Variants in TMEFF1 observed in about 807,000 individuals in gnomAD.
TMEFF1 encodes the protein transmembrane protein with EGF like and two follistatin like domains 1.
In TMEFF1, 20 loss-of-function variants were observed where a neutral mutation model predicts 47.5. The ratio of observed to expected loss-of-function variants is 0.42; its 90% CI spans 0.30 to 0.61. The LOEUF is 0.61. TMEFF1 is among the 20% of genes least tolerant of loss of function. The pLI is 0.19. For missense variants in TMEFF1, 411 were observed against 471.1 expected (o/e 0.87, Z 1.18); for synonymous variants, 162 against 166.3 (o/e 0.97, Z 0.20).
At chr9:100,496,019 G>T (rs1837643937) in intron 1 of TMEFF1, among the ~76,000 whole-genome samples, 1 of 152,148 alleles carries the variant, frequency 6.6e-6, no homozygotes, top group African/African-American at 2.4e-5. Context: ...TGATATTCAG[G>T]GACTGTTGAT....
At position 100,509,073 on chromosome 9, in the gene TMEFF1, A is replaced by T; in HGVS notation, c.375A>T (p.Arg125Ser). ...CTTATCAAAATGAATGCTTTCTCAG[A>T]AGGGCTGCTTGTAAGCACCAGAAAG... ...GDTYQNECFL[R>S]RAACKHQKEI... Residue 125 changes from arginine to serine, a missense_variant, in exon 3 of 10, where the codon AGA (arginine) becomes AGT (serine). Arg to Ser is a moderately radical substitution (Grantham distance 110, BLOSUM62 -1). Transcript: ENST00000374879. The T allele has an allele frequency of 6.2e-7, 1 of 1,601,796 alleles. No homozygotes were observed. Among genetic ancestry groups the T allele is most frequent in the Non-Finnish European group, 8.5e-7 (1 of 1,174,974 alleles).
chr9:100,552,122 T>C (rs1431032813), intron 7 of TMEFF1, among the ~76,000 whole-genome samples: 1 of 152,168 alleles, frequency 6.6e-6, no homozygotes, highest in Non-Finnish European at 1.5e-5. Flanking sequence ...GAAAGACAGC[T>C]TGGGGCCAGA....
At chr9:100,509,544 C>T (rs1056404452) in intron 3 of TMEFF1, among the ~76,000 whole-genome samples, 8 of 151,934 alleles carry the variant, frequency 5.3e-5, no homozygotes, top group African/African-American at 7.3e-5. Context: ...GAGGCTGAGG[C>T]GGGCAGATTA....
intron 1 of TMEFF1, among the ~76,000 whole-genome samples, chr9:100,476,365 A>G (rs1042189792): frequency 6.6e-6 from 1 of 151,794 alleles, no homozygotes; most frequent in Non-Finnish European, 1.5e-5. Flanking sequence ...TTTATTATCT[A>G]GGTATCCCCC....
intron 1 of TMEFF1, among the ~76,000 whole-genome samples, chr9:100,495,791 A>G (rs552096852): frequency 8.5e-4 from 129 of 152,314 alleles, no homozygotes; most frequent in African/African-American, 3.0e-3. Flanking sequence ...ACCCTCATAA[A>G]TGCCTCCCTC....
At chr9:100,535,166 A>G (rs1028144809) in intron 5 of TMEFF1, among the ~76,000 whole-genome samples, 14 of 152,306 alleles carry the variant, frequency 9.2e-5, no homozygotes, top group African/African-American at 3.4e-4. Flanking sequence ...AAATGACAGC[A>G]AATAGTGCCT....
chr9:100,575,555 C>A (rs1839336829), intron 9 of TMEFF1, among the ~76,000 whole-genome samples: 1 of 152,120 alleles, frequency 6.6e-6, no homozygotes, highest in South Asian at 2.1e-4. Context: ...GAGGTAAAAC[C>A]ATATACAAAA....
chr9:100,474,287 TGTC>T (rs1837179767), intron 1 of TMEFF1, among the ~76,000 whole-genome samples: 1 of 150,874 alleles, frequency 6.6e-6, no homozygotes, highest in South Asian at 2.1e-4. Flanking sequence ...GGGAACGGGT[TGTC>T]TTGAGGACGC....
intron 2 of TMEFF1, among the ~76,000 whole-genome samples, chr9:100,503,130 A>G (rs1042741381): frequency 2.0e-5 from 3 of 152,174 alleles, no homozygotes; most frequent in African/African-American, 7.2e-5. Context: ...GTATCTTTCA[A>G]TTCATTTTAA....
intron 2 of TMEFF1, among the ~76,000 whole-genome samples, chr9:100,502,751 T>G (rs1837788700): frequency 1.3e-5 from 2 of 152,208 alleles, no homozygotes; most frequent in Admixed American, 6.5e-5. Context: ...AAAATATACT[T>G]GAACAGCTAG....
At chr9:100,519,040 T>C (rs1838117378) in intron 5 of TMEFF1, among the ~76,000 whole-genome samples, 1 of 152,338 alleles carries the variant, frequency 6.6e-6, no homozygotes, top group African/African-American at 2.4e-5. Flanking sequence ...GAACAAAAGC[T>C]CAGTTTAATT....
Position 100,513,201 on chromosome 9 carries a change from T to C in TMEFF1, c.437-106T>C. 4 of 1,462,256 alleles carry C rather than the reference T, an allele frequency of 2.7e-6. No individual in the cohort carries two copies. In the South Asian group the frequency reaches 5.1e-5, roughly 19 times the overall value. 90.6% of individuals were successfully genotyped at this position (1,462,256 alleles called of 1,614,324 possible). ...ATCAAAAATATGAGAAAAGGACTCT[T>C]TGAGAATGGATATCACAGTTTTATT... is the stretch of plus-strand genomic sequence containing the variant. On this transcript the variant is annotated intron_variant, in intron 3 of 9. Transcript: ENST00000374879.
intron 1 of TMEFF1, among the ~76,000 whole-genome samples, chr9:100,476,554 C>CG (rs1437273592): frequency 1.4e-4 from 22 of 152,080 alleles, no homozygotes; most frequent in African/African-American, 4.8e-4. Flanking sequence ...ACCACCATGC[C>CG]GGGCTAATTT....
intron 1 of TMEFF1, among the ~76,000 whole-genome samples, chr9:100,491,882 C>CT (rs145822143): frequency 0.063 from 8,641 of 137,404 alleles, 501 homozygotes; most frequent in East Asian, 0.23. Context: ...AGTTTCTTTC[C>CT]TTTTTTTTTT....
At chr9:100,523,635 A>C (rs946729428) in intron 5 of TMEFF1, among the ~76,000 whole-genome samples, 6 of 152,218 alleles carry the variant, frequency 3.9e-5, no homozygotes, top group Non-Finnish European at 8.8e-5. Flanking sequence ...AATCTCAGTA[A>C]CTTGACATGA....
At position 100,559,603 on chromosome 9, in the gene TMEFF1, A is replaced by G. The variant is rs1004197112; in HGVS notation, c.776-1794A>G. On this transcript the variant is annotated intron_variant, in intron 7 of 9. Transcript: ENST00000374879. ...TATTGGCTATATTGGATTAAAATAT[A>G]TGATTAAAATTAATTTACTTGTTTC... Among the ~76,000 whole-genome samples the G allele has an allele frequency of 2.6e-5, 4 of 152,232 alleles. No individual in the cohort carries two copies. The South Asian group carries it at 6.2e-4, about 24-fold the overall frequency.
chr9:100,542,645 C>T (rs1838655318), intron 5 of TMEFF1, among the ~76,000 whole-genome samples: 1 of 152,172 alleles, frequency 6.6e-6, no homozygotes, highest in African/African-American at 2.4e-5. Flanking sequence ...GTTATTCTTA[C>T]TTCGCTGAAG....
intron 8 of TMEFF1, 68 bp from the exon 9 acceptor site, chr9:100,572,450 T>A: frequency 7.0e-7 from 1 of 1,426,382 alleles, no homozygotes. Context: ...TTGTATTTTT[T>A]AATGTAAAAG....
intron 1 of TMEFF1, among the ~76,000 whole-genome samples, chr9:100,495,962 G>A (rs556199458): frequency 1.4e-4 from 21 of 152,236 alleles, no homozygotes; most frequent in African/African-American, 4.3e-4. Context: ...CTCTTTGCCC[G>A]ACACTACCAT....
Sources: gnomAD v4.1 joint callset for allele counts (sites outside exome capture counted in the v4.1 genomes callset) on GRCh38, gnomAD v4.1.1 for gene constraint, MANE v1.5 for transcripts, NCBI Gene and HGNC (gene_info 2026-07-23, HGNC 2026-07-21) for gene names.